DPYD: variants seen among roughly 807,000 people sequenced by gnomAD.
The protein encoded by DPYD is dihydropyrimidine dehydrogenase, also known as dihydropyrimidine dehydrogenase [NADP(+)].
A neutral mutation model predicts 116.2 loss-of-function variants in DPYD; 109 were observed. The ratio of observed to expected loss-of-function variants is 0.94; its 90% CI spans 0.80 to 1.10. The LOEUF (loss-of-function observed/expected upper bound fraction) is 1.10. Ranked by LOEUF, DPYD falls within the 50% of genes least tolerant of loss-of-function variation. The pLI is 0.00. For synonymous variants in DPYD, 440 were observed against 432.0 expected, an observed-to-expected ratio of 1.02 and a Z score of -0.23; for missense variants, 1,302 against 1,254.5, an observed-to-expected ratio of 1.04 and a Z score of -0.57.
At position 97,653,843 on chromosome 1, in the gene DPYD, CAT is replaced by C. The variant is rs540244085; in HGVS notation, c.850+25250_850+25251del. 2.8e-3 allele frequency among the ~76,000 whole-genome samples: 432 copies of C among 152,200 alleles called. 3 individuals carry two copies. The highest frequency in any genetic ancestry group is 6.8e-3 in the Middle Eastern group (2 of 294). ...ACACACATACATAAACACACACACA[CAT>C]TTAACAAAGGATAAACATAAGGTAT... On this transcript the variant is annotated intron_variant, in intron 8 of 22. Coordinates refer to ENST00000370192, the MANE Select transcript of DPYD (RefSeq NM_000110.4).
intron 20 of DPYD, among the ~76,000 whole-genome samples, chr1:97,146,919 T>A (rs1004876617): frequency 6.6e-6 from 1 of 152,136 alleles, no homozygotes; most frequent in African/African-American, 2.4e-5. Flanking sequence ...AGAATTTCAA[T>A]GGCAAGGAAA....
intron 7 of DPYD, among the ~76,000 whole-genome samples, chr1:97,686,808 T>C (rs541260612): frequency 1.3e-5 from 2 of 152,038 alleles, no homozygotes; most frequent in African/African-American, 4.8e-5. Flanking sequence ...TGAGATTTAA[T>C]TAAACAAAAG....
intron 6 of DPYD, 109 bp from the exon 7 acceptor site, chr1:97,691,907 C>A: frequency 4.9e-6 from 4 of 821,600 alleles, no homozygotes; most frequent in Non-Finnish European, 8.3e-6. Context: ...AAATAAATAT[C>A]TCTTCCAAGG....
intron 8 of DPYD, among the ~76,000 whole-genome samples, chr1:97,609,944 G>T (rs1338682641): frequency 6.6e-6 from 1 of 151,940 alleles, no homozygotes; most frequent in Non-Finnish European, 1.5e-5. Flanking sequence ...TCTTGTAAAA[G>T]TATCTTCTAA....
chr1:97,561,989 T>C (rs1053826241), intron 11 of DPYD, among the ~76,000 whole-genome samples: 1 of 152,204 alleles, frequency 6.6e-6, no homozygotes, highest in African/African-American at 2.4e-5. Context: ...GTAACTTTAT[T>C]TGCATGCATC....
At chr1:97,473,392 T>C (rs1677767943) in intron 13 of DPYD, among the ~76,000 whole-genome samples, 1 of 152,196 alleles carries the variant, frequency 6.6e-6, no homozygotes, top group African/African-American at 2.4e-5. Flanking sequence ...AATGGACACT[T>C]AGGTTGTTTT....
intron 20 of DPYD, among the ~76,000 whole-genome samples, chr1:97,129,196 TG>T (rs921439653): frequency 2.4e-4 from 36 of 152,060 alleles, no homozygotes; most frequent in African/African-American, 8.2e-4. Flanking sequence ...TGCAAGTAGC[TG>T]GGACTACAGG....
intron 2 of DPYD, among the ~76,000 whole-genome samples, chr1:97,835,838 C>A (rs1669745306): frequency 6.6e-6 from 1 of 152,022 alleles, no homozygotes; most frequent in Admixed American, 6.6e-5. Flanking sequence ...AATTTACTTA[C>A]TCACTTAATC....
chr1:97,763,526 C>T (rs1216174300), intron 3 of DPYD, among the ~76,000 whole-genome samples: 1 of 152,014 alleles, frequency 6.6e-6, no homozygotes, highest in Admixed American at 6.6e-5. Flanking sequence ...CTTCTCTGAA[C>T]TCCTCCATCA....
At chr1:97,320,199 T>G (rs1432228684) in intron 16 of DPYD, among the ~76,000 whole-genome samples, 8 of 135,502 alleles carry the variant, frequency 5.9e-5, no homozygotes, top group African/African-American at 2.2e-4. Flanking sequence ...CTCTCACCGC[T>G]CCTATTCAAC....
chr1:97,547,704 G>A (rs930819222), intron 12 of DPYD, among the ~76,000 whole-genome samples: 3 of 151,858 alleles, frequency 2.0e-5, no homozygotes, highest in East Asian at 1.9e-4. Flanking sequence ...GTTTAAAGAT[G>A]AGGTCTCACT....
intron 20 of DPYD, among the ~76,000 whole-genome samples, chr1:97,118,311 T>C (rs1381409191): frequency 6.6e-6 from 1 of 152,230 alleles, no homozygotes; most frequent in East Asian, 1.9e-4. Context: ...TTTATTGTGA[T>C]AACACCTTCT....
intron 5 of DPYD, among the ~76,000 whole-genome samples, chr1:97,714,017 CTTAG>C (rs1490695718): frequency 5.9e-5 from 9 of 151,892 alleles, no homozygotes; most frequent in South Asian, 2.1e-4. Context: ...GATAATTTAT[CTTAG>C]TTATAGATTA....
chr1:97,563,165 C>A (rs1159942079), intron 11 of DPYD, among the ~76,000 whole-genome samples: 1 of 152,140 alleles, frequency 6.6e-6, no homozygotes, highest in Non-Finnish European at 1.5e-5. Context: ...CCTTACTATA[C>A]TCTATATTAT....
chr1:97,150,960 C>G (rs1279899119), intron 20 of DPYD, among the ~76,000 whole-genome samples: 2 of 152,050 alleles, frequency 1.3e-5, no homozygotes, highest in African/African-American at 2.4e-5. Flanking sequence ...TCTGGAAACA[C>G]CAGAAGTGTA....
chr1:97,597,956 TA>T (rs1436496307), intron 8 of DPYD, among the ~76,000 whole-genome samples: 1 of 152,108 alleles, frequency 6.6e-6, no homozygotes, highest in African/African-American at 2.4e-5. Flanking sequence ...TGAGATTTTT[TA>T]AAAATGTTAA....
chr1:97,318,614 TC>T (rs928181836), intron 16 of DPYD, among the ~76,000 whole-genome samples: 4 of 151,520 alleles, frequency 2.6e-5, no homozygotes, highest in Admixed American at 2.6e-4. Flanking sequence ...AGACTTAGAC[TC>T]CCACACATTA....
At chr1:97,287,257 G>T (rs188783007) in intron 18 of DPYD, among the ~76,000 whole-genome samples, 1 of 152,132 alleles carries the variant, frequency 6.6e-6, no homozygotes, top group Non-Finnish European at 1.5e-5. Flanking sequence ...CATGAACCAC[G>T]AATGCTGCTG....
intron 5 of DPYD, among the ~76,000 whole-genome samples, chr1:97,703,630 T>C (rs1046635291): frequency 1.3e-5 from 2 of 151,990 alleles, no homozygotes; most frequent in African/African-American, 4.8e-5. Context: ...AAATTAAAAA[T>C]GCAAAGACCT....
Sources: allele counts gnomAD v4.1 joint callset (sites outside exome capture counted in the v4.1 genomes callset), GRCh38; gene constraint gnomAD v4.1.1; transcripts MANE v1.5; gene names NCBI Gene and HGNC (gene_info 2026-07-23, HGNC 2026-07-21).